PRKCG: variants seen among roughly 807,000 people sequenced by gnomAD.
PRKCG encodes protein kinase C gamma, also known as protein kinase C gamma type.
PRKCG carries 28 observed loss-of-function variants against 82.0 expected under a neutral mutation model. The ratio of observed to expected loss-of-function variants is 0.34; its 90% CI spans 0.25 to 0.47. PRKCG has a LOEUF of 0.47. PRKCG is among the 20% of genes least tolerant of loss of function. The pLI, the probability that PRKCG is intolerant of heterozygous loss-of-function variation, is 1.00. For missense variants in PRKCG, 640 were observed against 952.7 expected, an observed-to-expected ratio of 0.67 and a Z score of 4.32; for synonymous variants, 383 against 376.6, an observed-to-expected ratio of 1.02 and a Z score of -0.20.
At position 53,904,553 on chromosome 19, in the gene PRKCG, C is replaced by T. The variant is rs115596160; in HGVS notation, c.1657-82C>T. On this transcript the variant is annotated intron_variant, in intron 15 of 17. Coordinates refer to ENST00000263431, the MANE Select transcript of PRKCG (RefSeq NM_002739.5). ...GCGTGTGATGGGTCAGGCATGTTCCCGGTGGGGTGAGGAGGGTGTGGAAGG... is the reference window on the plus strand; with the variant it reads ...GCGTGTGATGGGTCAGGCATGTTCCTGGTGGGGTGAGGAGGGTGTGGAAGG... 7.3e-4 allele frequency: 891 copies of T among 1,227,356 alleles called. 4 individuals carry two copies. The African/African-American group carries it at 0.011, about 16-fold the overall frequency. The allele number at this position is 1,227,356 out of a possible 1,614,324, so 76.0% of individuals were successfully genotyped here.
chr19:53,885,772 A>G (rs540151061), intron 3 of PRKCG, among the ~76,000 whole-genome samples: 1 of 152,268 alleles, frequency 6.6e-6, no homozygotes, highest in South Asian at 2.1e-4. Flanking sequence ...AAGTCTACAT[A>G]GAAGATGTGA....
chr19:53,905,028 G>A (rs560719937), intron 16 of PRKCG, among the ~76,000 whole-genome samples: 3 of 152,252 alleles, frequency 2.0e-5, no homozygotes, highest in South Asian at 4.1e-4. Context: ...AGAACTGGGT[G>A]GGTCAGGTAA....
At chr19:53,888,638 A>T (rs2068649245) in intron 3 of PRKCG, among the ~76,000 whole-genome samples, 1 of 152,172 alleles carries the variant, frequency 6.6e-6, no homozygotes, top group Admixed American at 6.5e-5. Context: ...TATTGGGAGC[A>T]TCTAACGTGG....
At chr19:53,901,283 C>T (rs1175706894) in intron 14 of PRKCG, among the ~76,000 whole-genome samples, 1 of 152,196 alleles carries the variant, frequency 6.6e-6, no homozygotes, top group Non-Finnish European at 1.5e-5. Flanking sequence ...GTGGCTCACA[C>T]CTGTAATCCC....
rs2068655523 is a variant in PRKCG at position 53,889,549 on chromosome 19, G to A, written c.286-89G>A. On this transcript the variant is annotated intron_variant, in intron 3 of 17. Coordinates refer to ENST00000263431, the MANE Select transcript of PRKCG (RefSeq NM_002739.5). This position sits in a 1 kb window ranked among gnomAD's most constrained non-coding sequence, Gnocchi z 4.4. ...ATGGAGCCTCAGGCTGACCTAGAGA[G>A]CAAGGCAGGAGGAAAAGATAAAAGG... is the stretch of plus-strand genomic sequence containing the variant. 4 of 940,892 alleles carry A rather than the reference G, an allele frequency of 4.3e-6. No homozygotes were observed. In the East Asian group the frequency reaches 7.8e-5, roughly 18 times the overall value. 58.3% of individuals were successfully genotyped at this position (940,892 alleles called of 1,614,324 possible).
chr19:53,900,097 G>A lies in PRKCG; in HGVS notation c.1282-136G>A. The A allele has an allele frequency of 1.2e-6, 1 of 821,648 alleles. No homozygotes were observed. Among genetic ancestry groups the A allele is most frequent in the East Asian group, 2.6e-5 (1 of 38,948 alleles). 50.9% of individuals were successfully genotyped at this position (821,648 alleles called of 1,614,324 possible). A position where few individuals can be genotyped will look rare whatever the true frequency, so the allele number is the denominator to read the frequency against. On this transcript the variant is annotated intron_variant, in intron 11 of 17. Transcript: ENST00000263431. This position sits in a 1 kb window ranked among gnomAD's most constrained non-coding sequence, Gnocchi z 4.2. ...GGATTAGCACCTTAGGGCCCTCCCAGGGATGTGGCTAGGTGCTCTGAATTT... is the reference window on the plus strand; with the variant it reads ...GGATTAGCACCTTAGGGCCCTCCCAAGGATGTGGCTAGGTGCTCTGAATTT...
intron 15 of PRKCG, among the ~76,000 whole-genome samples, chr19:53,903,593 C>T (rs962136960): frequency 1.3e-5 from 2 of 152,078 alleles, no homozygotes; most frequent in African/African-American, 4.8e-5. Flanking sequence ...TGATCATCTT[C>T]TTAGCTGGCT....
intron 3 of PRKCG, among the ~76,000 whole-genome samples, chr19:53,886,541 C>G (rs1475779670): frequency 6.6e-6 from 1 of 152,016 alleles, no homozygotes; most frequent in Non-Finnish European, 1.5e-5. Flanking sequence ...GTAGCTGGGA[C>G]TATAGGCACA....
rs2068754120 is a variant in PRKCG at position 53,900,378 on chromosome 19, G to GC, written c.1374-39dup. 1.2e-6 allele frequency: 2 copies of GC among 1,614,064 alleles called. No individual in the cohort carries two copies. The highest frequency in any genetic ancestry group is 2.2e-5 in the South Asian group (2 of 91,086). ...GGGTGGTGGAAGGGGGCAGGATCCA[G>GC]CCACTGACCTTCTGACGTCCCCACC... On this transcript the variant is annotated intron_variant, in intron 12 of 17. Coordinates refer to ENST00000263431, the MANE Select transcript of PRKCG (RefSeq NM_002739.5). This position sits in a 1 kb window ranked among gnomAD's most constrained non-coding sequence, Gnocchi z 4.2.
Position 53,890,007 on chromosome 19 carries a change from C to T in PRKCG, c.519C>T (p.Ile173=), listed in dbSNP as rs189397138. 1.1e-5 allele frequency: 17 copies of T among 1,564,404 alleles called. No individual in the cohort carries two copies. The highest frequency in any genetic ancestry group is 2.1e-4 in the Middle Eastern group (1 of 4,720). Residue 173 remains isoleucine (I), a synonymous_variant, in exon 5 of 18, where the codon ATC becomes ATT. Coordinates refer to ENST00000263431, the MANE Select transcript of PRKCG (RefSeq NM_002739.5). ...LEIRAPTADE[I]HVTVGEARNL... ...TCCGGGCTCCCACAGCAGATGAGAT[C>T]CACGTAACTGGTGAGGCCCCGCCCC... is the stretch of plus-strand genomic sequence containing the variant.
In PRKCG at chr19:53,896,365, G is replaced by A. The variant is rs377173234; in HGVS notation, c.940-1594G>A. ...TACGGGGCTAACAACACAGCAAACA[G>A]AAACAGCCCTGATTATTATTATTAT... On this transcript the variant is annotated intron_variant, in intron 9 of 17. Coordinates refer to ENST00000263431, the MANE Select transcript of PRKCG (RefSeq NM_002739.5). 2.1e-5 allele frequency among the ~76,000 whole-genome samples: 3 copies of A among 144,628 alleles called. No homozygotes were observed. In the South Asian group the frequency reaches 6.7e-4, roughly 32 times the overall value. 94.9% of individuals were successfully genotyped at this position (144,628 alleles called of 152,430 possible).
Position 53,883,242 on chromosome 19 carries a change from C to T in PRKCG, c.202+48C>T. 6.2e-7 allele frequency: 1 copy of T among 1,610,892 alleles called. No homozygotes were observed. The highest frequency in any genetic ancestry group is 8.5e-7 in the Non-Finnish European group (1 of 1,177,680). ...CCTGGGACCCTCAGGAGGGTGGAGGCTGGGGCCCCACAGCTGAGGCTGCTT... is the reference window on the plus strand; with the variant it reads ...CCTGGGACCCTCAGGAGGGTGGAGGTTGGGGCCCCACAGCTGAGGCTGCTT... On this transcript the variant is annotated intron_variant, in intron 2 of 17. Coordinates refer to ENST00000263431, the MANE Select transcript of PRKCG (RefSeq NM_002739.5). The surrounding 1 kb of genome is among the most constrained non-coding windows in gnomAD (Gnocchi z 5.4).
Position 53,889,513 on chromosome 19 carries a change from G to C in PRKCG, c.286-125G>C. On this transcript the variant is annotated intron_variant, in intron 3 of 17. Coordinates refer to ENST00000263431, the MANE Select transcript of PRKCG (RefSeq NM_002739.5). The surrounding 1 kb of genome is among the most constrained non-coding windows in gnomAD (Gnocchi z 4.4). The stretch of plus-strand genomic sequence containing the variant: ...GGTGCTCAATGATTATTGGTACATA[G>C]AGTGAAAGAGATGGAGCCTCAGGCT... 2 of 725,330 alleles carry C rather than the reference G, an allele frequency of 2.8e-6. No homozygotes were observed. The allele number at this position is 725,330 out of a possible 1,614,324, so 44.9% of individuals were successfully genotyped here. A position where few individuals can be genotyped will look rare whatever the true frequency, so the allele number is the denominator to read the frequency against.
rs762064442 is a variant in PRKCG at position 53,900,571 on chromosome 19, A to T, written c.1437-40A>T. The T allele has an allele frequency of 6.2e-7, 1 of 1,614,120 alleles. No homozygotes were observed. Among genetic ancestry groups the T allele is most frequent in the East Asian group, 2.2e-5 (1 of 44,888 alleles). ...GTGGCTCTAGACTGCTGAACTCAAC[A>T]CTTCTTGCAATTCCTGCCCCACACC... is the stretch of plus-strand genomic sequence containing the variant. On this transcript the variant is annotated intron_variant, in intron 13 of 17. Transcript: ENST00000263431. The surrounding 1 kb of genome is among the most constrained non-coding windows in gnomAD (Gnocchi z 4.2).
intron 11 of PRKCG, among the ~76,000 whole-genome samples, chr19:53,899,333 C>T (rs2068745406): frequency 6.6e-6 from 1 of 152,152 alleles, no homozygotes; most frequent in Admixed American, 6.5e-5. Flanking sequence ...CTGGAATTTT[C>T]AGCAAAGGGG....
At position 53,900,550 on chromosome 19, in the gene PRKCG, C is replaced by G; in HGVS notation, c.1437-61C>G. 3.1e-6 allele frequency: 5 copies of G among 1,614,164 alleles called. No homozygotes were observed. Among genetic ancestry groups the G allele is most frequent in the Non-Finnish European group, 4.2e-6 (5 of 1,180,020 alleles). ...GAAGGGAAGGGATTTGAATATGTGG[C>G]TCTAGACTGCTGAACTCAACACTTC... On this transcript the variant is annotated intron_variant, in intron 13 of 17. Coordinates refer to ENST00000263431, the MANE Select transcript of PRKCG (RefSeq NM_002739.5). This position sits in a 1 kb window ranked among gnomAD's most constrained non-coding sequence, Gnocchi z 4.2.
At position 53,884,327 on chromosome 19, in the gene PRKCG, A is replaced by T; in HGVS notation, c.285+84A>T. 1 of 1,293,662 alleles carries T rather than the reference A, an allele frequency of 7.7e-7. No individual in the cohort carries two copies. The highest frequency in any genetic ancestry group is 1.1e-6 in the Non-Finnish European group (1 of 893,810). The allele number at this position is 1,293,662 out of a possible 1,614,324, so 80.1% of individuals were successfully genotyped here. A position where few individuals can be genotyped will look rare whatever the true frequency, so the allele number is the denominator to read the frequency against. ...GGCGTCCGTCCCAATTTCTCCTGCT[A>T]TTTTTATGGCTGGGAGGGGAGGGGG... On this transcript the variant is annotated intron_variant, in intron 3 of 17. Transcript: ENST00000263431. This position sits in a 1 kb window ranked among gnomAD's most constrained non-coding sequence, Gnocchi z 4.6.
rs755343050 is a variant in PRKCG at position 53,903,925 on chromosome 19, G to C, written c.1657-710G>C. The stretch of plus-strand genomic sequence containing the variant: ...CATTAAGTAGTAAGTTCTAATGGTA[G>C]TAAAGTAAAAAGGAGCTCTAACAGT... On this transcript the variant is annotated intron_variant, in intron 15 of 17. Coordinates refer to ENST00000263431, the MANE Select transcript of PRKCG (RefSeq NM_002739.5). Among the ~76,000 whole-genome samples, 19 of 152,150 alleles carry C rather than the reference G, an allele frequency of 1.2e-4. 1 individual carries two copies. Among genetic ancestry groups the C allele is most frequent in the Non-Finnish European group, 7.4e-5 (5 of 68,018 alleles).
intron 9 of PRKCG, among the ~76,000 whole-genome samples, chr19:53,896,550 G>C (rs940716424): frequency 6.6e-6 from 1 of 152,110 alleles, no homozygotes; most frequent in Non-Finnish European, 1.5e-5. Flanking sequence ...CTCCCAAGTA[G>C]CTGGGACTAC....
Sources: gnomAD v4.1 joint callset for allele counts (sites outside exome capture counted in the v4.1 genomes callset) on GRCh38, gnomAD v4.1.1 for gene constraint, Gnocchi (gnomAD v3.1) non-coding constraint, MANE v1.5 for transcripts, NCBI Gene and HGNC (gene_info 2026-07-23, HGNC 2026-07-21) for gene names.